Variants in ACTR3C observed in about 807,000 individuals in gnomAD.
ACTR3C encodes actin related protein 3C.
ACTR3C carries 18 observed loss-of-function variants against 26.3 expected under a neutral mutation model. The ratio of observed to expected loss-of-function variants is 0.68; its 90% CI spans 0.47 to 1.01. ACTR3C has a LOEUF of 1.01. ACTR3C is among the 50% of genes least tolerant of loss of function. The probability of loss-of-function intolerance (pLI) is 0.00; values close to 1 mark genes in which losing one functional copy is unlikely to be tolerated. For synonymous variants in ACTR3C, 55 were observed against 94.5 expected (o/e 0.58, Z 2.42); for missense variants, 184 against 250.7 (o/e 0.73, Z 1.80).
At chr7:149,926,095 C>A in the ACTR3C span, among the ~76,000 whole-genome samples, 3 of 151,846 alleles carry the variant, frequency 2.0e-5, no homozygotes, top group Non-Finnish European at 4.4e-5. Context: ...AGAAAAGAAA[C>A]CACCATGTAA....
rs1477282598 is a variant in ACTR3C, at chr7:150,304,504, A to G, written c.-51-9157T>C. Among the ~76,000 whole-genome samples the G allele has an allele frequency of 3.3e-5, 5 of 152,272 alleles. No individual in the cohort carries two copies. The South Asian group carries it at 6.2e-4, about 19-fold the overall frequency. ...ACACGTGAATGCTACTGACTCCTAC[A>G]TCAACACCTGCTGCTTGGAGCTGGC... is the stretch of plus-strand genomic sequence containing the variant. On this transcript the variant is annotated intron_variant, in intron 1 of 7. Coordinates refer to ENST00000683684, the MANE Select transcript of ACTR3C (RefSeq NM_001164458.2).
At chr7:149,929,284 T>C in the ACTR3C span, among the ~76,000 whole-genome samples, 1 of 151,786 alleles carries the variant, frequency 6.6e-6, no homozygotes, top group East Asian at 2.0e-4. Context: ...AAAAGTTAGC[T>C]GGGCATGGTG....
the ACTR3C span, among the ~76,000 whole-genome samples, chr7:150,107,611 T>A: frequency 5.9e-5 from 9 of 152,130 alleles, no homozygotes; most frequent in East Asian, 1.7e-3. Context: ...CTTATGATAT[T>A]TCATATTTAG....
At chr7:150,289,357 G>A (rs1049920221) in intron 4 of ACTR3C, 93 bp downstream of exon 4, 2 of 1,450,802 alleles carry the variant, frequency 1.4e-6, no homozygotes, top group African/African-American at 3.0e-5. Context: ...GGAGAGGATG[G>A]AAAGGAGGGG....
rs771947597 is a variant in ACTR3C at position 150,289,561 on chromosome 7, T to C, written c.186A>G (p.Lys62=). The C allele has an allele frequency of 5.6e-6, 9 of 1,596,546 alleles. No individual in the cohort carries two copies. The highest frequency in any genetic ancestry group is 7.7e-6 in the Non-Finnish European group (9 of 1,170,398). Residue 62 remains lysine, a synonymous_variant, in exon 4 of 8, where the codon AAA becomes AAG. Coordinates refer to ENST00000683684, the MANE Select transcript of ACTR3C (RefSeq NM_001164458.2). ...TATCTCTACCTGCAATCGGGATGTG[T>C]TTGATGCAGCTTCCAATTACATAAC... The part of the protein sequence containing the change: ...AEGYVIGSCI[K]HIPIAGRDIT...
the ACTR3C span, among the ~76,000 whole-genome samples, chr7:150,223,654 G>A: frequency 9.2e-5 from 14 of 151,806 alleles, no homozygotes; most frequent in African/African-American, 9.7e-5. Flanking sequence ...CTGAACTAAC[G>A]AGTTACAGCA....
At chr7:150,216,032 TAGC>T in the ACTR3C span, among the ~76,000 whole-genome samples, 163 of 151,588 alleles carry the variant, frequency 1.1e-3, 2 homozygotes, top group Middle Eastern at 3.2e-3. Flanking sequence ...AGTGAACTCC[TAGC>T]AGGATAAATA....
the ACTR3C span, among the ~76,000 whole-genome samples, chr7:150,042,593 C>A: frequency 2.1e-5 from 3 of 141,914 alleles, no homozygotes; most frequent in Non-Finnish European, 3.1e-5. Context: ...TGCCTCCCCC[C>A]ACTGCGATGG....
chr7:150,319,468 A>G (rs1282368878), intron 1 of ACTR3C, among the ~76,000 whole-genome samples: 2 of 152,120 alleles, frequency 1.3e-5, no homozygotes, highest in South Asian at 2.1e-4. Flanking sequence ...CGGCCTCCCA[A>G]AGTGCTGGGA....
At chr7:150,168,493 G>T in the ACTR3C span, among the ~76,000 whole-genome samples, 75 of 150,900 alleles carry the variant, frequency 5.0e-4, 7 homozygotes, top group African/African-American at 1.8e-3. Flanking sequence ...ACATTATGGT[G>T]AGTTGTATAA....
At chr7:149,972,188 C>G in the ACTR3C span, among the ~76,000 whole-genome samples, 1 of 152,226 alleles carries the variant, frequency 6.6e-6, no homozygotes, top group Non-Finnish European at 1.5e-5. Context: ...CCTGAGTCTT[C>G]TCAGTGACAG....
intron 3 of ACTR3C, among the ~76,000 whole-genome samples, chr7:150,292,789 G>A (rs1459379241): frequency 2.6e-5 from 4 of 152,144 alleles, no homozygotes; most frequent in Middle Eastern, 3.4e-3. Context: ...GAGCCACCGC[G>A]CCCAGCCCTT....
At chr7:150,055,160 G>A in the ACTR3C span, among the ~76,000 whole-genome samples, 1 of 152,354 alleles carries the variant, frequency 6.6e-6, no homozygotes, top group South Asian at 2.1e-4. Context: ...GACCAACAGT[G>A]AAAGCATCAT....
chr7:150,309,150 T>C (rs1187196644), intron 1 of ACTR3C, among the ~76,000 whole-genome samples: 7 of 152,156 alleles, frequency 4.6e-5, no homozygotes, highest in Non-Finnish European at 1.0e-4. Flanking sequence ...TTCCCAGGTA[T>C]AGCTAGGTGA....
rs184704881 is a variant in ACTR3C, at chr7:150,292,532, G to A, written c.153+780C>T. 4.3e-3 allele frequency among the ~76,000 whole-genome samples: 559 copies of A among 129,232 alleles called. 5 individuals carry two copies. The highest frequency in any genetic ancestry group is 0.017 in the African/African-American group (519 of 29,756). 84.8% of individuals were successfully genotyped at this position (129,232 alleles called of 152,430 possible). On this transcript the variant is annotated intron_variant, in intron 3 of 7. Coordinates refer to ENST00000683684, the MANE Select transcript of ACTR3C (RefSeq NM_001164458.2). ...TTTTTTTTTTTTGAGACGGAGTTTC[G>A]CTCTTGTTGCCCAGCTGGGGTGCAA...
At chr7:150,267,570 G>A (rs1315566797) in intron 6 of ACTR3C, among the ~76,000 whole-genome samples, 1 of 152,190 alleles carries the variant, frequency 6.6e-6, no homozygotes, top group Non-Finnish European at 1.5e-5. Flanking sequence ...CAGCACGAGA[G>A]TGGTGATGCT....
At chr7:150,017,780 C>T in the ACTR3C span, among the ~76,000 whole-genome samples, 1 of 150,238 alleles carries the variant, frequency 6.7e-6, no homozygotes, top group East Asian at 1.9e-4. Context: ...CCCAGAATCA[C>T]TCACTCTAGA....
chr7:150,100,320 G>T, the ACTR3C span, among the ~76,000 whole-genome samples: 1,095 of 151,770 alleles, frequency 7.2e-3, 57 homozygotes, highest in African/African-American at 0.025. Flanking sequence ...GGGAGCTAAA[G>T]CCATCCTCAG....
the ACTR3C span, among the ~76,000 whole-genome samples, chr7:150,010,727 G>C: frequency 3.4e-5 from 5 of 148,812 alleles, no homozygotes; most frequent in East Asian, 2.0e-4. Flanking sequence ...CTCTGTGGTT[G>C]TTTCTGCTCA....
Sources: allele counts gnomAD v4.1 joint callset (sites outside exome capture counted in the v4.1 genomes callset), GRCh38; gene constraint gnomAD v4.1.1; transcripts MANE v1.5; gene names NCBI Gene and HGNC (gene_info 2026-07-23, HGNC 2026-07-21).